The following STKLD1 variants were observed in gnomAD, a reference collection of about 807,000 sequenced individuals.
STKLD1 encodes serine/threonine kinase-like domain-containing protein STKLD1.
STKLD1 carries 79 observed loss-of-function variants against 80.4 expected under a neutral mutation model. That is an observed-to-expected ratio of 0.98 (90% CI 0.82 to 1.19). The LOEUF (loss-of-function observed/expected upper bound fraction) is 1.19, where lower values mean the gene tolerates loss of function less well. Ranked by LOEUF, STKLD1 falls within the 50% of genes most tolerant of loss-of-function variation. STKLD1 has a pLI of 0.00. For synonymous variants in STKLD1, 393 were observed against 357.6 expected (o/e 1.10, Z -1.12); for missense variants, 841 against 856.0 (o/e 0.98, Z 0.22).
At chr9:133,404,378 A>T (rs1412697996) in intron 16 of STKLD1, among the ~76,000 whole-genome samples, 1 of 151,988 alleles carries the variant, frequency 6.6e-6, no homozygotes. Flanking sequence ...TCCCCACAAC[A>T]CAAACCCTGC....
intron 14 of STKLD1, 146 bp downstream of exon 14, chr9:133,403,158 T>G: frequency 1.2e-6 from 1 of 844,882 alleles, no homozygotes; most frequent in Non-Finnish European, 1.7e-6. Context: ...TTCTGAGAGC[T>G]TCCAACTCCA....
In STKLD1 at chr9:133,389,556, G is replaced by GGCCAGGTGCTGT; in HGVS notation, c.427_428insGCCAGGTGCTGT (p.Asp143delinsGlyGlnValLeuTyr). ...GCAGAATGTGCTGGGCCAGGTGCTG[G>GGCCAGGTGCTGT]ACGCGCTGGAATACCTGCACCATTT... On this transcript the variant is annotated protein_altering_variant, in exon 6 of 18. Coordinates refer to ENST00000371957, the MANE Select transcript of STKLD1 (RefSeq NM_153710.5). This position sits in a 1 kb window ranked among gnomAD's most constrained non-coding sequence, Gnocchi z 6.4. The GGCCAGGTGCTGT allele has an allele frequency of 1.2e-6, 2 of 1,613,534 alleles. No homozygotes were observed. The highest frequency in any genetic ancestry group is 1.7e-6 in the Non-Finnish European group (2 of 1,179,944).
At chr9:133,383,261 G>GC (rs1838184451) in intron 2 of STKLD1, among the ~76,000 whole-genome samples, 1 of 146,174 alleles carries the variant, frequency 6.8e-6, no homozygotes, top group Non-Finnish European at 1.5e-5. Flanking sequence ...GGTGGTGTTG[G>GC]AGTGATGGTG....
chr9:133,395,707 C>G lies in STKLD1; in HGVS notation c.810C>G (p.Phe270Leu). The change falls in exon 9 of 18, where the codon TTC (phenylalanine) becomes TTG (leucine). Residue 270 changes from phenylalanine to leucine, a missense_variant. Coordinates refer to ENST00000371957, the MANE Select transcript of STKLD1 (RefSeq NM_153710.5). ...EEKQIPDVETFRNLLPLMLQI... is the reference protein window; with the variant it reads ...EEKQIPDVETLRNLLPLMLQI... ...AGCAGATCCCGGATGTGGAAACCTT[C>G]AGGAATCTTCTGCCCTTGATGCTCC... The G allele has an allele frequency of 6.2e-7, 1 of 1,613,548 alleles. No individual in the cohort carries two copies. Among genetic ancestry groups the G allele is most frequent in the Non-Finnish European group, 8.5e-7 (1 of 1,180,016 alleles).
chr9:133,402,442 G>A (rs1441449390), intron 13 of STKLD1, among the ~76,000 whole-genome samples: 1 of 152,228 alleles, frequency 6.6e-6, no homozygotes, highest in East Asian at 1.9e-4. Context: ...GATAACTGAT[G>A]ATACATGGCT....
rs781834821 is a variant in STKLD1 at position 133,394,454 on chromosome 9, G to A, written c.702+45G>A. 107 of 1,376,800 alleles carry A rather than the reference G, an allele frequency of 7.8e-5. No homozygotes were observed. The highest frequency in any genetic ancestry group is 1.0e-4 in the Non-Finnish European group (99 of 986,022). The allele number at this position is 1,376,800 out of a possible 1,614,324, so 85.3% of individuals were successfully genotyped here. A position where few individuals can be genotyped will look rare whatever the true frequency, so the allele number is the denominator to read the frequency against. On this transcript the variant is annotated intron_variant, in intron 8 of 17. Coordinates refer to ENST00000371957, the MANE Select transcript of STKLD1 (RefSeq NM_153710.5). This position sits in a 1 kb window ranked among gnomAD's most constrained non-coding sequence, Gnocchi z 4.9. ...CCACACCCCACATGCTGTTCCCCAC[G>A]CGCCCAGGCCTGGGGAAAAGGCTTG...
intron 4 of STKLD1, 41 bp from the exon 5 acceptor site, chr9:133,387,406 G>A (rs1361936408): frequency 6.4e-7 from 1 of 1,555,036 alleles, no homozygotes; most frequent in Non-Finnish European, 8.9e-7. Context: ...GAAGCACCGG[G>A]GCCTGGGCGT....
At position 133,402,909 on chromosome 9, in the gene STKLD1, T is replaced by C. The variant is rs3124748; in HGVS notation, c.1371T>C (p.Asn457=). Residue 457 remains asparagine, a synonymous_variant, in exon 14 of 18, where the codon AAT becomes AAC. Coordinates refer to ENST00000371957, the MANE Select transcript of STKLD1 (RefSeq NM_153710.5). ...AGTCACTGTCAGAGGAGCTGCAGAA[T>C]GCTGGGCTGCTGGAGCACATCCTGG... ...ESESLSEELQ[N]AGLLEHILEH... is the part of the protein sequence containing the mutation. 899,053 of 1,588,482 alleles carry C rather than the reference T, an allele frequency of 0.57. 255,858 individuals carry two copies. Among genetic ancestry groups the C allele is most frequent in the African/African-American group, 0.61 (45,241 of 74,440 alleles).
intron 2 of STKLD1, among the ~76,000 whole-genome samples, chr9:133,381,131 CTTTTTTTTT>C (rs35031853): frequency 4.3e-5 from 3 of 69,166 alleles, no homozygotes; most frequent in African/African-American, 1.2e-4. Context: ...TACGATGTAA[CTTTTTTTTT>C]TTTTTTTTTT....
Position 133,384,103 on chromosome 9 carries a change from A to G in STKLD1, c.219+203A>G. The G allele has an allele frequency of 1.7e-6, 1 of 582,572 alleles. No homozygotes were observed. The highest frequency in any genetic ancestry group is 3.1e-6 in the Non-Finnish European group (1 of 326,606). 36.1% of individuals were successfully genotyped at this position (582,572 alleles called of 1,614,324 possible). A position where few individuals can be genotyped will look rare whatever the true frequency, so the allele number is the denominator to read the frequency against. ...GCCCCAAACACTCACTGCTAAATGCAGGTGCCGACAACTTAGAACATATGT... is the reference window on the plus strand; with the variant it reads ...GCCCCAAACACTCACTGCTAAATGCGGGTGCCGACAACTTAGAACATATGT... On this transcript the variant is annotated intron_variant, in intron 3 of 17. Transcript: ENST00000371957. The surrounding 1 kb of genome is among the most constrained non-coding windows in gnomAD (Gnocchi z 4.3).
Position 133,385,437 on chromosome 9 carries a change from A to G in STKLD1, c.220-180A>G, listed in dbSNP as rs1838242330. On this transcript the variant is annotated intron_variant, in intron 3 of 17. Coordinates refer to ENST00000371957, the MANE Select transcript of STKLD1 (RefSeq NM_153710.5). The surrounding 1 kb of genome is among the most constrained non-coding windows in gnomAD (Gnocchi z 4.9). Reference sequence around the variant, plus strand: ...CCAGCACAGCCAGCTCATGCTGGAGACAGGACCCACATCGGACTGCCTGGC... The same window carrying G: ...CCAGCACAGCCAGCTCATGCTGGAGGCAGGACCCACATCGGACTGCCTGGC... Among the ~76,000 whole-genome samples, 1 of 152,154 alleles carries G rather than the reference A, an allele frequency of 6.6e-6. No individual in the cohort carries two copies. The highest frequency in any genetic ancestry group is 1.5e-5 in the Non-Finnish European group (1 of 68,018).
Position 133,397,943 on chromosome 9 carries a change from G to T in STKLD1, c.998-29G>T, listed in dbSNP as rs782424706. On this transcript the variant is annotated intron_variant, in intron 10 of 17. Coordinates refer to ENST00000371957, the MANE Select transcript of STKLD1 (RefSeq NM_153710.5). ...CCCCGAGGCCCTGGTCCTCAGAAAG[G>T]TCCCTCCCCTGCCTTCCTGTCCCTG... 14 of 1,601,158 alleles carry T rather than the reference G, an allele frequency of 8.7e-6. No individual in the cohort carries two copies. The Admixed American group carries it at 1.2e-4, about 13-fold the overall frequency.
intron 7 of STKLD1, among the ~76,000 whole-genome samples, chr9:133,391,226 G>T (rs1323796450): frequency 1.3e-5 from 2 of 149,254 alleles, no homozygotes; most frequent in Non-Finnish European, 3.0e-5. Context: ...CGCCCTGTCC[G>T]GGAGGGAGGT....
intron 12 of STKLD1, among the ~76,000 whole-genome samples, chr9:133,401,369 A>G (rs1003286291): frequency 5.9e-5 from 9 of 152,028 alleles, no homozygotes; most frequent in African/African-American, 1.9e-4. Flanking sequence ...AACTCCTGAC[A>G]TCGTGATCCA....
At chr9:133,399,221 C>G (rs587691762) in intron 11 of STKLD1, among the ~76,000 whole-genome samples, 2 of 152,302 alleles carry the variant, frequency 1.3e-5, no homozygotes, top group East Asian at 3.9e-4. Flanking sequence ...TTTCACCTGC[C>G]TGAACATTAC....
rs1348901252 is a variant in STKLD1 at position 133,388,310 on chromosome 9, A to G, written c.396+762A>G. ...GTCGCCCAGGCTGGAGTGCAGTGGC[A>G]CGACCTTGGCTCACTGCAACCTTCG... On this transcript the variant is annotated intron_variant, in intron 5 of 17. Coordinates refer to ENST00000371957, the MANE Select transcript of STKLD1 (RefSeq NM_153710.5). Among the ~76,000 whole-genome samples the G allele has an allele frequency of 2.0e-5, 3 of 152,214 alleles. No homozygotes were observed. The East Asian group carries it at 5.8e-4, about 29-fold the overall frequency.
chr9:133,392,123 C>T (rs587752331), intron 7 of STKLD1, among the ~76,000 whole-genome samples: 21 of 147,878 alleles, frequency 1.4e-4, no homozygotes, highest in African/African-American at 5.0e-4. Context: ...GTCGCCCAGG[C>T]TGGAATGCAG....
In STKLD1 at chr9:133,389,654, G is replaced by A; in HGVS notation, c.467+58G>A. 1 of 1,605,066 alleles carries A rather than the reference G, an allele frequency of 6.2e-7. No individual in the cohort carries two copies. Among genetic ancestry groups the A allele is most frequent in the Admixed American group, 1.7e-5 (1 of 59,228 alleles). ...TGGCTGCTTCGGGAGAAAAGGCACTGAGGCCACTCGGGTGCCAGTGCCCGT... is the reference window on the plus strand; with the variant it reads ...TGGCTGCTTCGGGAGAAAAGGCACTAAGGCCACTCGGGTGCCAGTGCCCGT... On this transcript the variant is annotated intron_variant, in intron 6 of 17. Coordinates refer to ENST00000371957, the MANE Select transcript of STKLD1 (RefSeq NM_153710.5). The surrounding 1 kb of genome is among the most constrained non-coding windows in gnomAD (Gnocchi z 6.4).
Position 133,385,531 on chromosome 9 carries a change from T to C in STKLD1, c.220-86T>C. On this transcript the variant is annotated intron_variant, in intron 3 of 17. Transcript: ENST00000371957. This position sits in a 1 kb window ranked among gnomAD's most constrained non-coding sequence, Gnocchi z 4.9. ...GCTCAGAGCCCGAGGCTTGCATGTT[T>C]GTTGGGATGTGTGACAGAGAAGCCC... 7.4e-7 allele frequency: 1 copy of C among 1,359,736 alleles called. No individual in the cohort carries two copies. Among genetic ancestry groups the C allele is most frequent in the South Asian group, 1.2e-5 (1 of 81,814 alleles). The allele number at this position is 1,359,736 out of a possible 1,614,324, so 84.2% of individuals were successfully genotyped here.
Sources: allele counts gnomAD v4.1 joint callset (sites outside exome capture counted in the v4.1 genomes callset), GRCh38; gene constraint gnomAD v4.1.1; non-coding constraint Gnocchi (gnomAD v3.1); transcripts MANE v1.5; gene names NCBI Gene and HGNC (gene_info 2026-07-23, HGNC 2026-07-21).